Variants in PCDHGA2 observed in about 807,000 individuals in gnomAD.
PCDHGA2 encodes protocadherin gamma subfamily A, 2.
Under a neutral mutation model 59.2 loss-of-function variants are expected in PCDHGA2, and 40 were observed. That is an observed-to-expected ratio of 0.68 (90% CI 0.52 to 0.88). The LOEUF is 0.88. PCDHGA2 is among the 40% of genes least tolerant of loss of function. PCDHGA2 has a pLI of 0.00. For missense variants in PCDHGA2, 1,226 were observed against 1,204.0 expected (o/e 1.02, Z -0.27); for synonymous variants, 560 against 526.0 (o/e 1.06, Z -0.89).
At chr5:141,344,688 G>C in intron 1 of PCDHGA2, 2 of 1,613,946 alleles carry the variant, frequency 1.2e-6, no homozygotes. Context: ...TGATGGTGGC[G>C]ACCCTGTCCA....
In PCDHGA2 at chr5:141,366,878, A is replaced by AT. The variant is rs994289295; in HGVS notation, c.2424+25491dup. ...ACATTATTTGCTGTATTGGAGATTAATTTTTTTTATATAATTCATGCTTTC... is the reference window on the plus strand; with the variant it reads ...ACATTATTTGCTGTATTGGAGATTAATTTTTTTTTATATAATTCATGCTTTC... On this transcript the variant is annotated intron_variant, in intron 1 of 3. Coordinates refer to ENST00000394576, the MANE Select transcript of PCDHGA2 (RefSeq NM_018915.4). 4.5e-5 allele frequency: 61 copies of AT among 1,341,282 alleles called. No individual in the cohort carries two copies. The Admixed American group carries it at 4.7e-4, about 10-fold the overall frequency. 83.1% of individuals were successfully genotyped at this position (1,341,282 alleles called of 1,614,324 possible).
intron 1 of PCDHGA2, chr5:141,416,753 G>A (rs1168212796): frequency 1.3e-5 from 2 of 152,154 alleles, no homozygotes; most frequent in Non-Finnish European, 2.9e-5. Context: ...GACGTATTAG[G>A]TAGATCTCTT....
At position 141,399,943 on chromosome 5, in the gene PCDHGA2, C is replaced by A. The variant is rs1334013330; in HGVS notation, c.2424+58548C>A. On this transcript the variant is annotated intron_variant, in intron 1 of 3. Coordinates refer to ENST00000394576, the MANE Select transcript of PCDHGA2 (RefSeq NM_018915.4). Reference sequence around the variant, plus strand: ...CGCCTGGCTGTCCTACCACGTGCTGCAGGCTAGCGAGCCCGGGCTCTTCAG... The same window carrying A: ...CGCCTGGCTGTCCTACCACGTGCTGAAGGCTAGCGAGCCCGGGCTCTTCAG... The A allele has an allele frequency of 3.7e-6, 6 of 1,612,294 alleles. 1 individual carries two copies. The Admixed American group carries it at 1.0e-4, about 27-fold the overall frequency.
chr5:141,477,747 C>A lies in PCDHGA2; in HGVS notation c.2425-17060C>A. ...ACAGCTCATATCAGCGATGGGGGCA[C>A]CCCGGTCCTAGCCACCAACATCAGC... On this transcript the variant is annotated intron_variant, in intron 1 of 3. Coordinates refer to ENST00000394576, the MANE Select transcript of PCDHGA2 (RefSeq NM_018915.4). The surrounding 1 kb of genome is among the most constrained non-coding windows in gnomAD (Gnocchi z 4.9). 1.9e-6 allele frequency: 3 copies of A among 1,613,840 alleles called. No individual in the cohort carries two copies. The highest frequency in any genetic ancestry group is 2.5e-6 in the Non-Finnish European group (3 of 1,180,044).
chr5:141,422,074 C>T (rs886758924), intron 1 of PCDHGA2: 8 of 1,612,146 alleles, frequency 5.0e-6, no homozygotes, highest in African/African-American at 4.0e-5. Context: ...GTATTCATTT[C>T]GGAACATGGA....
At position 141,370,660 on chromosome 5, in the gene PCDHGA2, G is replaced by T. The variant is rs199537402; in HGVS notation, c.2424+29265G>T. 1.4e-4 allele frequency: 220 copies of T among 1,613,752 alleles called. No individual in the cohort carries two copies. The highest frequency in any genetic ancestry group is 4.9e-4 in the Middle Eastern group (3 of 6,084). Reference sequence around the variant, plus strand: ...AATGGGAACTTACTTGTGAGCGACCGTATAGACCGAGAGGAGATTTGTGGC... The same window carrying T: ...AATGGGAACTTACTTGTGAGCGACCTTATAGACCGAGAGGAGATTTGTGGC... On this transcript the variant is annotated intron_variant, in intron 1 of 3. Transcript: ENST00000394576.
intron 1 of PCDHGA2, chr5:141,408,708 A>G (rs773303576): frequency 6.2e-6 from 10 of 1,612,888 alleles, no homozygotes; most frequent in Non-Finnish European, 8.5e-6. Flanking sequence ...TCAATTAAAG[A>G]TTATAAGATA....
At position 141,476,456 on chromosome 5, in the gene PCDHGA2, A is replaced by C; in HGVS notation, c.2425-18351A>C. The C allele has an allele frequency of 6.2e-7, 1 of 1,614,058 alleles. No homozygotes were observed. Among genetic ancestry groups the C allele is most frequent in the Non-Finnish European group, 8.5e-7 (1 of 1,180,010 alleles). On this transcript the variant is annotated intron_variant, in intron 1 of 3. Transcript: ENST00000394576. The surrounding 1 kb of genome is among the most constrained non-coding windows in gnomAD (Gnocchi z 7.6). ...TGTAACTCTGGAGTTGGTAGTGGAGAACCCGCTGGAGCTGTTCAGCGTGGA... is the reference window on the plus strand; with the variant it reads ...TGTAACTCTGGAGTTGGTAGTGGAGCACCCGCTGGAGCTGTTCAGCGTGGA...
At chr5:141,390,505 A>T in intron 1 of PCDHGA2, 1 of 600,954 alleles carries the variant, frequency 1.7e-6, no homozygotes, top group South Asian at 2.1e-5. Context: ...CCAAGCTTAG[A>T]TTTATAAAGC....
chr5:141,371,913 G>T (rs569737317), intron 1 of PCDHGA2: 1 of 1,613,394 alleles, frequency 6.2e-7, no homozygotes, highest in African/African-American at 1.3e-5. Flanking sequence ...CTACGTGTCC[G>T]TGAGCGCGCG....
rs1241104082 is a variant in PCDHGA2, at chr5:141,338,989, G to C, written c.18G>C (p.Lys6Asn). The C allele has an allele frequency of 6.5e-7, 1 of 1,544,254 alleles. No individual in the cohort carries two copies. The highest frequency in any genetic ancestry group is 2.1e-5 in the Admixed American group (1 of 47,864). Residue 6 changes from lysine (K) to asparagine (N), a missense_variant, in exon 1 of 4, where the codon AAG becomes AAC. Coordinates refer to ENST00000394576, the MANE Select transcript of PCDHGA2 (RefSeq NM_018915.4). ...GGAGGGAAATGGCGGCTCTGCAAAA[G>C]TTGCCACACTGCAGAAAGCTGGTCC... MAALQ[K>N]LPHCRKLVLL...
intron 1 of PCDHGA2, among the ~76,000 whole-genome samples, chr5:141,460,612 T>C (rs1215147315): frequency 6.6e-6 from 1 of 152,128 alleles, no homozygotes; most frequent in African/African-American, 2.4e-5. Flanking sequence ...GTTAGATGGA[T>C]AGATAGACAG....
intron 1 of PCDHGA2, among the ~76,000 whole-genome samples, chr5:141,373,222 G>C (rs899880588): frequency 6.6e-6 from 1 of 152,116 alleles, no homozygotes; most frequent in African/African-American, 2.4e-5. Context: ...AATGTAACCT[G>C]TATATAATAT....
At chr5:141,441,764 C>T (rs1407504024) in intron 1 of PCDHGA2, 1 of 384,478 alleles carries the variant, frequency 2.6e-6, no homozygotes, top group South Asian at 2.1e-5. Context: ...TGAGCCTGCG[C>T]GTGTTGGTGG....
intron 1 of PCDHGA2, among the ~76,000 whole-genome samples, chr5:141,475,171 C>A (rs545499118): frequency 6.6e-6 from 1 of 152,164 alleles, no homozygotes; most frequent in African/African-American, 2.4e-5. Context: ...AGCAGTGCAA[C>A]TTCTTGTGGC....
intron 1 of PCDHGA2, chr5:141,350,773 C>T (rs1758555633): frequency 6.2e-7 from 1 of 1,613,942 alleles, no homozygotes; most frequent in Non-Finnish European, 8.5e-7. Flanking sequence ...CCATCAACCC[C>T]AATCAATACT....
At chr5:141,510,814 C>T in intron 3 of PCDHGA2, 133 bp from the exon 4 acceptor site, 2 of 1,544,688 alleles carry the variant, frequency 1.3e-6, no homozygotes, top group East Asian at 4.6e-5. Context: ...TTGGTGACCC[C>T]TATATTCCCA....
rs1428628914 is a variant in PCDHGA2, at chr5:141,487,223, G to A, written c.2425-7584G>A. 1.2e-6 allele frequency: 2 copies of A among 1,614,076 alleles called. No homozygotes were observed. The highest frequency in any genetic ancestry group is 2.2e-5 in the East Asian group (1 of 44,866). The stretch of plus-strand genomic sequence containing the variant: ...TCTTCGAGAATCTTCAGCTCCAAGG[G>A]AAGGAGAATCTCGTCTAACCCTCTA... On this transcript the variant is annotated intron_variant, in intron 1 of 3. Transcript: ENST00000394576. This position sits in a 1 kb window ranked among gnomAD's most constrained non-coding sequence, Gnocchi z 5.0.
chr5:141,356,595 C>G, intron 1 of PCDHGA2: 3 of 1,614,170 alleles, frequency 1.9e-6, no homozygotes, highest in South Asian at 2.2e-5. Context: ...CTGAAAACAA[C>G]CCCAGAGGAG....
Sources: gnomAD v4.1 joint callset for allele counts (sites outside exome capture counted in the v4.1 genomes callset) on GRCh38, gnomAD v4.1.1 for gene constraint, Gnocchi (gnomAD v3.1) non-coding constraint, MANE v1.5 for transcripts, NCBI Gene and HGNC (gene_info 2026-07-23, HGNC 2026-07-21) for gene names.